Variants in RBFOX3 observed in about 807,000 individuals in gnomAD.
The protein encoded by RBFOX3 is RNA binding protein fox-1 homolog 3.
In RBFOX3, 17 loss-of-function variants were observed where a neutral mutation model predicts 48.7. The ratio of observed to expected loss-of-function variants is 0.35; its 90% confidence interval spans 0.24 to 0.52. RBFOX3 has a LOEUF of 0.52. RBFOX3 is among the 20% of genes least tolerant of loss of function. The pLI is 0.94. For missense variants in RBFOX3, 382 were observed against 497.5 expected (o/e 0.77, Z 2.21); for synonymous variants, 212 against 209.5 (o/e 1.01, Z -0.10).
chr17:79,457,798 C>T (rs1248241526), intron 2 of RBFOX3, among the ~76,000 whole-genome samples: 2 of 152,258 alleles, frequency 1.3e-5, no homozygotes, highest in African/African-American at 4.8e-5. Context: ...CCTTGAGACC[C>T]TTCAGTGCAT....
Position 79,418,684 on chromosome 17 carries a change from G to A in RBFOX3, c.-175+63770C>T, listed in dbSNP as rs1430820750. ...AGAGGGATGGATGTGGCTGTGCCAA[G>A]TGCCCTGGCATCCCCCAAGTCTGGG... On this transcript the variant is annotated intron_variant, in intron 2 of 14. Coordinates refer to ENST00000693108, the MANE Select transcript of RBFOX3 (RefSeq NM_001350451.2). This position sits in a 1 kb window ranked among gnomAD's most constrained non-coding sequence, Gnocchi z 5.0. Among the ~76,000 whole-genome samples, 1 of 152,214 alleles carries A rather than the reference G, an allele frequency of 6.6e-6. No individual in the cohort carries two copies. The highest frequency in any genetic ancestry group is 1.5e-5 in the Non-Finnish European group (1 of 68,034).
At chr17:79,334,698 C>G (rs2080921036) in intron 2 of RBFOX3, among the ~76,000 whole-genome samples, 1 of 152,234 alleles carries the variant, frequency 6.6e-6, no homozygotes, top group African/African-American at 2.4e-5. Flanking sequence ...CTCCAGGGAA[C>G]CAGGACCATC....
At chr17:79,279,000 C>T (rs955963254) in intron 3 of RBFOX3, among the ~76,000 whole-genome samples, 1 of 152,182 alleles carries the variant, frequency 6.6e-6, no homozygotes. Context: ...TTTGGAGGCA[C>T]ATATTAGTAA....
intron 3 of RBFOX3, among the ~76,000 whole-genome samples, chr17:79,282,988 C>T (rs999085885): frequency 6.6e-6 from 1 of 152,110 alleles, no homozygotes; most frequent in African/African-American, 2.4e-5. Context: ...AGGAACAGAA[C>T]CAAATTGAAA....
intron 4 of RBFOX3, among the ~76,000 whole-genome samples, chr17:79,154,967 G>A (rs2045444105): frequency 1.3e-5 from 2 of 152,122 alleles, no homozygotes; most frequent in African/African-American, 2.4e-5. Flanking sequence ...GTCAGGTGGC[G>A]CTGGCAGCCC....
Position 79,202,735 on chromosome 17 carries a change from C to T in RBFOX3, c.-34+33031G>A, listed in dbSNP as rs140086641. On this transcript the variant is annotated intron_variant, in intron 4 of 14. Transcript: ENST00000693108. ...GATCCAACAGCCCCTCGCCCTAACA[C>T]GCTGCACAGCACTGCCCGCCCTGGG... Among the ~76,000 whole-genome samples the T allele has an allele frequency of 3.2e-4, 49 of 152,344 alleles. No homozygotes were observed. In the East Asian group the frequency reaches 7.7e-3, roughly 24 times the overall value.
intron 2 of RBFOX3, among the ~76,000 whole-genome samples, chr17:79,322,552 G>A (rs967385714): frequency 5.3e-5 from 8 of 152,200 alleles, no homozygotes. Context: ...GCTTTCACAG[G>A]GAAGATGGAA....
intron 2 of RBFOX3, among the ~76,000 whole-genome samples, chr17:79,422,273 G>A (rs1210821300): frequency 1.3e-5 from 2 of 152,034 alleles, no homozygotes; most frequent in African/African-American, 2.4e-5. Flanking sequence ...GCACAGCCTC[G>A]TCTTCCTGGT....
At chr17:79,540,069 C>T (rs1166730755) in intron 1 of RBFOX3, among the ~76,000 whole-genome samples, 2 of 152,232 alleles carry the variant, frequency 1.3e-5, no homozygotes, top group Non-Finnish European at 2.9e-5. Context: ...TTTAATGGAT[C>T]CGTTTCCTCT....
chr17:79,557,110 T>G (rs997701876), intron 1 of RBFOX3, among the ~76,000 whole-genome samples: 2 of 149,972 alleles, frequency 1.3e-5, no homozygotes, highest in Admixed American at 1.3e-4. Flanking sequence ...CCAGGCATGG[T>G]GGTGGACACC....
chr17:79,306,178 T>C (rs2145526210), intron 3 of RBFOX3, among the ~76,000 whole-genome samples: 1 of 152,320 alleles, frequency 6.6e-6, no homozygotes, highest in Non-Finnish European at 1.5e-5. Context: ...AGCCTGAGCC[T>C]CAGCTCTGCC....
intron 2 of RBFOX3, among the ~76,000 whole-genome samples, chr17:79,321,880 A>G (rs2078578354): frequency 2.0e-5 from 3 of 151,954 alleles, no homozygotes; most frequent in Admixed American, 1.3e-4. Flanking sequence ...TAATTTTTGT[A>G]TTTTTAGTAC....
intron 4 of RBFOX3, among the ~76,000 whole-genome samples, chr17:79,163,106 G>A (rs1477260073): frequency 5.3e-5 from 8 of 152,202 alleles, no homozygotes; most frequent in Admixed American, 5.2e-4. Context: ...AGCTGGGGGA[G>A]AAAAGCAACT....
At chr17:79,244,752 T>TC (rs11408900) in intron 3 of RBFOX3, among the ~76,000 whole-genome samples, 39,628 of 101,806 alleles carry the variant, frequency 0.39, 5,471 homozygotes, top group East Asian at 0.51. Context: ...TTTCCTTCCT[T>TC]CCTTCCTTTT....
intron 10 of RBFOX3, 29 bp downstream of exon 10, chr17:79,097,663 T>TACCAAACCCCCCCC: frequency 7.2e-7 from 1 of 1,384,074 alleles, no homozygotes; most frequent in Non-Finnish European, 9.8e-7. Context: ...GCTGGTCTCA[T>TACCAAACCCCCCCC]CCCATCCCCG....
chr17:79,317,756 TA>T (rs909143801), intron 2 of RBFOX3, among the ~76,000 whole-genome samples: 87 of 145,984 alleles, frequency 6.0e-4, no homozygotes, highest in East Asian at 9.9e-4. Flanking sequence ...ATCACAATCT[TA>T]AAAAAAAAAA....
chr17:79,353,992 T>G (rs1325343667), intron 2 of RBFOX3, among the ~76,000 whole-genome samples: 1 of 152,220 alleles, frequency 6.6e-6, no homozygotes, highest in Non-Finnish European at 1.5e-5. Flanking sequence ...ATTTTTGTTT[T>G]TAATAGCCTT....
At chr17:79,382,375 C>A (rs1037236012) in intron 2 of RBFOX3, among the ~76,000 whole-genome samples, 1 of 152,228 alleles carries the variant, frequency 6.6e-6, no homozygotes, top group African/African-American at 2.4e-5. Flanking sequence ...TGTGTCCCAC[C>A]AACTGCGTTA....
At chr17:79,280,613 T>C (rs1162079210) in intron 3 of RBFOX3, among the ~76,000 whole-genome samples, 1 of 152,194 alleles carries the variant, frequency 6.6e-6, no homozygotes, top group East Asian at 1.9e-4. Flanking sequence ...AACACGCTGA[T>C]TCAGGAGGGT....
Sources: gnomAD v4.1 joint callset for allele counts (sites outside exome capture counted in the v4.1 genomes callset) on GRCh38, gnomAD v4.1.1 for gene constraint, Gnocchi (gnomAD v3.1) non-coding constraint, MANE v1.5 for transcripts, NCBI Gene and HGNC (gene_info 2026-07-23, HGNC 2026-07-21) for gene names.